Variants in L3MBTL3 observed in about 807,000 individuals in gnomAD.
The protein encoded by L3MBTL3 is lethal(3)malignant brain tumor-like protein 3.
Under a neutral mutation model 102.3 loss-of-function variants are expected in L3MBTL3, and 27 were observed. The ratio of observed to expected loss-of-function variants is 0.26; its 90% CI spans 0.19 to 0.36. L3MBTL3 has a LOEUF of 0.36. Among genes scored for constraint, L3MBTL3 ranks in the 10% least tolerant of loss-of-function variants. L3MBTL3 has a pLI of 1.00. For missense variants in L3MBTL3, 798 were observed against 955.3 expected (o/e 0.84, Z 2.17); for synonymous variants, 340 against 320.9 (o/e 1.06, Z -0.64).
At chr6:130,078,308 G>T (rs1364070781) in intron 13 of L3MBTL3, among the ~76,000 whole-genome samples, 2 of 152,042 alleles carry the variant, frequency 1.3e-5, no homozygotes, top group African/African-American at 4.8e-5. Context: ...GAAGTTACAG[G>T]ATATAACAAA....
At chr6:130,075,901 A>G (rs1054969957) in intron 13 of L3MBTL3, among the ~76,000 whole-genome samples, 3 of 152,212 alleles carry the variant, frequency 2.0e-5, no homozygotes, top group Non-Finnish European at 2.9e-5. Flanking sequence ...TATCACCTTT[A>G]TCTCTTCCAA....
rs869221525 is a variant in L3MBTL3, at chr6:130,108,231, G to GTT, written c.1886+3677_1886+3678dup. Among the ~76,000 whole-genome samples the GTT allele has an allele frequency of 1.4e-3, 129 of 91,038 alleles. 5 individuals carry two copies. The highest frequency in any genetic ancestry group is 1.7e-3 in the Non-Finnish European group (81 of 47,124). The allele number at this position is 91,038 out of a possible 152,430, so 59.7% of individuals were successfully genotyped here. On this transcript the variant is annotated intron_variant, in intron 19 of 22. Transcript: ENST00000361794. ...ATAAATGTTAGGTGGTTTTTTTTTT[G>GTT]TTTTTTTTTTTTTTTTTTTTTTAGA...
In L3MBTL3 at chr6:130,111,498, G is replaced by T. The variant is rs139834395; in HGVS notation, c.1886+6923G>T. 9.7e-3 allele frequency among the ~76,000 whole-genome samples: 1,473 copies of T among 152,334 alleles called. 10 individuals carry two copies. Among genetic ancestry groups the T allele is most frequent in the Non-Finnish European group, 0.012 (836 of 68,022 alleles). ...GGTGTGTGCTGAAGTGAAGCTGTGG[G>T]CTGTGGCATCAACCCAATGCCTATT... On this transcript the variant is annotated intron_variant, in intron 19 of 22. Coordinates refer to ENST00000361794, the MANE Select transcript of L3MBTL3 (RefSeq NM_032438.4).
chr6:130,132,321 A>G (rs1013837619), intron 20 of L3MBTL3, among the ~76,000 whole-genome samples: 1 of 152,320 alleles, frequency 6.6e-6, no homozygotes. Context: ...GTTAGTAGTC[A>G]AGGAAGTGGT....
At chr6:130,124,029 A>C (rs781547853) in intron 20 of L3MBTL3, among the ~76,000 whole-genome samples, 3 of 152,174 alleles carry the variant, frequency 2.0e-5, no homozygotes, top group Non-Finnish European at 2.9e-5. Flanking sequence ...AGAGCAAAAG[A>C]AGCAGGATTG....
At chr6:130,129,036 G>A (rs7760275) in intron 20 of L3MBTL3, among the ~76,000 whole-genome samples, 2,970 of 152,220 alleles carry the variant, frequency 0.02, 97 homozygotes, top group African/African-American at 0.067. Flanking sequence ...TCCTTATACC[G>A]TGCAATATCT....
intron 19 of L3MBTL3, among the ~76,000 whole-genome samples, chr6:130,110,021 T>C (rs1785250711): frequency 6.6e-6 from 1 of 152,210 alleles, no homozygotes; most frequent in Non-Finnish European, 1.5e-5. Context: ...TGTGTGGTGT[T>C]ATTTCTGAGG....
intron 12 of L3MBTL3, among the ~76,000 whole-genome samples, chr6:130,069,278 A>G (rs1330310754): frequency 1.3e-5 from 2 of 152,150 alleles, no homozygotes; most frequent in African/African-American, 2.4e-5. Flanking sequence ...CAGTGGGGAG[A>G]AGCAGTAATG....
chr6:130,101,645 G>A lies in L3MBTL3; in HGVS notation c.1737-2781G>A, dbSNP rs116055444. Among the ~76,000 whole-genome samples the A allele has an allele frequency of 2.6e-3, 391 of 152,314 alleles. 2 individuals carry two copies. Among genetic ancestry groups the A allele is most frequent in the African/African-American group, 8.9e-3 (368 of 41,566 alleles). ...GGGCAGGGGGACTGAGAGCAGTGGCGTGAGGGCCACATGCCCAGCAGCCTC... is the reference window on the plus strand; with the variant it reads ...GGGCAGGGGGACTGAGAGCAGTGGCATGAGGGCCACATGCCCAGCAGCCTC... On this transcript the variant is annotated intron_variant, in intron 18 of 22. Coordinates refer to ENST00000361794, the MANE Select transcript of L3MBTL3 (RefSeq NM_032438.4).
At chr6:130,067,202 C>T (rs1408536827) in intron 11 of L3MBTL3, among the ~76,000 whole-genome samples, 1 of 152,100 alleles carries the variant, frequency 6.6e-6, no homozygotes, top group Non-Finnish European at 1.5e-5. Context: ...CAGCCACTGC[C>T]TAGCAGGTTC....
chr6:130,136,711 A>G (rs1387621604), intron 22 of L3MBTL3, among the ~76,000 whole-genome samples: 1 of 151,818 alleles, frequency 6.6e-6, no homozygotes, highest in Non-Finnish European at 1.5e-5. Flanking sequence ...TCTGCCTCCC[A>G]GGTTCAAGCT....
intron 5 of L3MBTL3, among the ~76,000 whole-genome samples, chr6:130,050,353 C>T (rs1037392352): frequency 2.6e-5 from 4 of 152,244 alleles, no homozygotes; most frequent in Non-Finnish European, 4.4e-5. Flanking sequence ...CACAGAATTA[C>T]GTGTAATTTT....
intron 19 of L3MBTL3, among the ~76,000 whole-genome samples, chr6:130,106,501 A>T (rs956061954): frequency 1.3e-5 from 2 of 152,162 alleles, no homozygotes; most frequent in Admixed American, 6.5e-5. Context: ...GCAGTACTTT[A>T]GTTTGTCAGT....
chr6:130,068,420 T>A lies in L3MBTL3; in HGVS notation c.1091T>A (p.Ile364Lys). ...AAGTCATTATTTGAAAATCAGAATA[T>A]AGTAAGTACATACGAAACACGTTTT... ...APKSLFENQN[I>K]TVIPSGFRVG... The change falls in exon 12 of 23, where the codon ATA becomes AAA. Residue 364 changes from isoleucine to lysine, a missense_variant and splice_region_variant. Transcript: ENST00000361794. The A allele has an allele frequency of 1.3e-6, 2 of 1,537,426 alleles. No individual in the cohort carries two copies. The highest frequency in any genetic ancestry group is 1.7e-4 in the Middle Eastern group (1 of 5,908).
intron 3 of L3MBTL3, 89 bp from the exon 4 acceptor site, chr6:130,049,193 G>T (rs955119851): frequency 1.4e-6 from 1 of 722,074 alleles, no homozygotes. Context: ...TAATTAATTT[G>T]CTTGAAGACT....
chr6:130,136,172 G>T (rs1164527007), intron 22 of L3MBTL3, among the ~76,000 whole-genome samples: 1 of 152,110 alleles, frequency 6.6e-6, no homozygotes, highest in Non-Finnish European at 1.5e-5. Context: ...TCCTGCTTCT[G>T]TTTTTGCTCC....
chr6:130,079,846 C>A (rs549902981), intron 14 of L3MBTL3, among the ~76,000 whole-genome samples: 1 of 152,296 alleles, frequency 6.6e-6, no homozygotes, highest in East Asian at 1.9e-4. Context: ...CAAGTCAAGT[C>A]CTATCCACTC....
In L3MBTL3 at chr6:130,078,667, C is replaced by T. The variant is rs775693231; in HGVS notation, c.1321+33C>T. Reference sequence around the variant, plus strand: ...TTTTTTTAATGTGGCTAATACTATTCGTAGACTTCAAGAGTAGGCAGACTT... The same window carrying T: ...TTTTTTTAATGTGGCTAATACTATTTGTAGACTTCAAGAGTAGGCAGACTT... On this transcript the variant is annotated intron_variant, in intron 14 of 22. Coordinates refer to ENST00000361794, the MANE Select transcript of L3MBTL3 (RefSeq NM_032438.4). 1.7e-5 allele frequency: 24 copies of T among 1,404,698 alleles called. 1 individual carries two copies. The highest frequency in any genetic ancestry group is 7.3e-5 in the South Asian group (6 of 82,676). 87.0% of individuals were successfully genotyped at this position (1,404,698 alleles called of 1,614,324 possible). A position where few individuals can be genotyped will look rare whatever the true frequency, so the allele number is the denominator to read the frequency against.
intron 19 of L3MBTL3, among the ~76,000 whole-genome samples, chr6:130,116,339 G>A (rs1392134825): frequency 6.6e-6 from 1 of 152,152 alleles, no homozygotes; most frequent in African/African-American, 2.4e-5. Flanking sequence ...CTGAGAATTA[G>A]ACAAATTAAG....
Sources: allele counts gnomAD v4.1 joint callset (sites outside exome capture counted in the v4.1 genomes callset), GRCh38; gene constraint gnomAD v4.1.1; transcripts MANE v1.5; gene names NCBI Gene and HGNC (gene_info 2026-07-23, HGNC 2026-07-21).